CHML: variants seen among roughly 807,000 people sequenced by gnomAD.
CHML encodes the protein CHM like Rab escort protein.
CHML carries 20 observed loss-of-function variants against 30.4 expected under a neutral mutation model. That is an observed-to-expected ratio of 0.66 (90% CI 0.46 to 0.95). The LOEUF is 0.95. Among genes scored for constraint, CHML ranks in the 40% least tolerant of loss-of-function variants. The pLI, the probability that CHML is intolerant of heterozygous loss-of-function variation, is 0.00. For synonymous variants in CHML, 281 were observed against 275.0 expected, an observed-to-expected ratio of 1.02 and a Z score of -0.22; for missense variants, 795 against 768.5, an observed-to-expected ratio of 1.03 and a Z score of -0.41.
Position 241,634,212 on chromosome 1 carries a change from T to G in CHML, c.1555A>C (p.Arg519=). 1 of 1,614,020 alleles carries G rather than the reference T, an allele frequency of 6.2e-7. No individual in the cohort carries two copies. Among genetic ancestry groups the G allele is most frequent in the Non-Finnish European group, 8.5e-7 (1 of 1,179,904 alleles). The change falls in exon 2 of 2, where the codon AGA becomes CGA. Residue 519 remains arginine, a synonymous_variant. Coordinates refer to ENST00000366553, the MANE Select transcript of CHML (RefSeq NM_001381853.1). ...TTCACCACTGATTCTAAGTCTTCTC[T>G]TGCTGTTTTAGAAGATGAACATGTC... ...HLTCSSSKTA[R]EDLESVVKKL... is the part of the protein sequence containing the mutation.
chr1:241,635,953 A>G lies in CHML; in HGVS notation c.-187T>C. The G allele has an allele frequency of 1.7e-6, 1 of 586,352 alleles. No individual in the cohort carries two copies. The highest frequency in any genetic ancestry group is 3.0e-6 in the Non-Finnish European group (1 of 329,854). The allele number at this position is 586,352 out of a possible 1,614,324, so 36.3% of individuals were successfully genotyped here. ...TATAAGTCAGTAGCATAAAAACATG[A>G]GCAAGTACATCTAATCACATCTGAG... On this transcript the variant is annotated 5_prime_UTR_variant, in exon 2 of 2. Transcript: ENST00000366553.
chr1:241,633,680 A>T lies in CHML; in HGVS notation c.*116T>A, dbSNP rs1664739291. ...TCTGAGAGTTAAAGACAACATCTGCATAGCATTCATCATATATAACCACTT... is the reference window on the plus strand; with the variant it reads ...TCTGAGAGTTAAAGACAACATCTGCTTAGCATTCATCATATATAACCACTT... On this transcript the variant is annotated 3_prime_UTR_variant, in exon 2 of 2. Coordinates refer to ENST00000366553, the MANE Select transcript of CHML (RefSeq NM_001381853.1). 4 of 1,028,196 alleles carry T rather than the reference A, an allele frequency of 3.9e-6. No individual in the cohort carries two copies. Among genetic ancestry groups the T allele is most frequent in the Non-Finnish European group, 5.8e-6 (4 of 693,944 alleles). The allele number at this position is 1,028,196 out of a possible 1,614,324, so 63.7% of individuals were successfully genotyped here. A position where few individuals can be genotyped will look rare whatever the true frequency, so the allele number is the denominator to read the frequency against.
rs1415626450 is a variant in CHML at position 241,631,781 on chromosome 1, A to C, written c.*2015T>G. 6.6e-6 allele frequency: 1 copy of C among 152,046 alleles called. No homozygotes were observed. The highest frequency in any genetic ancestry group is 2.4e-5 in the African/African-American group (1 of 41,412). The allele number at this position is 152,046 out of a possible 1,614,324, so 9.4% of individuals were successfully genotyped here. On this transcript the variant is annotated 3_prime_UTR_variant, in exon 2 of 2. Transcript: ENST00000366553. ...TTCATCTTATCTTCACATTTCTCTG[A>C]TTCAATAAGCTGCAGGACCAGTGTG...
chr1:241,639,746 G>A, intron 1 of CHML, 136 bp downstream of exon 1: 1 of 871,122 alleles, frequency 1.1e-6, no homozygotes, highest in Non-Finnish European at 1.6e-6. Context: ...GGGGAGCGGG[G>A]CGGTGTAGGG....
rs1558447792 is a variant in CHML, at chr1:241,634,809, ACTGC to A, written c.954_957del (p.Arg318SerfsTer8). On this transcript the variant is annotated frameshift_variant, in exon 2 of 2. Coordinates refer to ENST00000366553, the MANE Select transcript of CHML (RefSeq NM_001381853.1). LOFTEE classifies it high-confidence loss of function. The stretch of plus-strand genomic sequence containing the variant: ...GTTTTTAAGTATTCTGAAAATGAAC[ACTGC>A]CTGAAAGCTTGGTATTCATCAGGAT... 1 of 1,613,762 alleles carries A rather than the reference ACTGC, an allele frequency of 6.2e-7. No homozygotes were observed. Among genetic ancestry groups the A allele is most frequent in the East Asian group, 2.2e-5 (1 of 44,874 alleles).
At position 241,631,737 on chromosome 1, in the gene CHML, C is replaced by T. The variant is rs1288750755; in HGVS notation, c.*2059G>A. On this transcript the variant is annotated 3_prime_UTR_variant, in exon 2 of 2. Transcript: ENST00000366553. Reference sequence around the variant, plus strand: ...CAAATTCTGCTTCGAGATCCATGCTCTAAAATATGTTTGTTTAGTTCATCT... The same window carrying T: ...CAAATTCTGCTTCGAGATCCATGCTTTAAAATATGTTTGTTTAGTTCATCT... 6.6e-6 allele frequency: 1 copy of T among 152,224 alleles called. No homozygotes were observed. Among genetic ancestry groups the T allele is most frequent in the Non-Finnish European group, 1.5e-5 (1 of 67,992 alleles). The allele number at this position is 152,224 out of a possible 1,614,324, so 9.4% of individuals were successfully genotyped here. A position where few individuals can be genotyped will look rare whatever the true frequency, so the allele number is the denominator to read the frequency against.
chr1:241,640,024 G>C lies in CHML; in HGVS notation c.-450C>G, dbSNP rs1183115831. 6.2e-7 allele frequency: 1 copy of C among 1,613,368 alleles called. No homozygotes were observed. Among genetic ancestry groups the C allele is most frequent in the Non-Finnish European group, 8.5e-7 (1 of 1,179,750 alleles). ...TGAGGCTGATGTTGACCAGGAGGAGGTGAGTGGGAGTGCGGAGCCGCTGGA... is the reference window on the plus strand; with the variant it reads ...TGAGGCTGATGTTGACCAGGAGGAGCTGAGTGGGAGTGCGGAGCCGCTGGA... On this transcript the variant is annotated 5_prime_UTR_variant, in exon 1 of 2. Transcript: ENST00000366553.
At position 241,635,410 on chromosome 1, in the gene CHML, C is replaced by G. The variant is rs763238361; in HGVS notation, c.357G>C (p.Leu119=). 3.1e-6 allele frequency: 5 copies of G among 1,613,978 alleles called. No homozygotes were observed. In the South Asian group the frequency reaches 5.5e-5, roughly 18 times the overall value. ...ACACCCCCAAAGAAGGATTTTTCTG[C>G]AGAGCACCAATCTCTTCAACGTTGT... ...MEDNVEEIGA[L]QKNPSLGVSN... is the part of the protein sequence containing the mutation. Residue 119 remains leucine, a synonymous_variant, in exon 2 of 2, where the codon CTG becomes CTC. Coordinates refer to ENST00000366553, the MANE Select transcript of CHML (RefSeq NM_001381853.1).
Position 241,640,271 on chromosome 1 carries a change from G to A in CHML, c.-697C>T, listed in dbSNP as rs1375353604. 1 of 1,181,738 alleles carries A rather than the reference G, an allele frequency of 8.5e-7. No individual in the cohort carries two copies. Among genetic ancestry groups the A allele is most frequent in the Non-Finnish European group, 1.0e-6 (1 of 957,948 alleles). 73.2% of individuals were successfully genotyped at this position (1,181,738 alleles called of 1,614,324 possible). On this transcript the variant is annotated 5_prime_UTR_variant, in exon 1 of 2. Coordinates refer to ENST00000366553, the MANE Select transcript of CHML (RefSeq NM_001381853.1). ...CGAGTACATGGCCCGGCGCCGGCGC[G>A]CCTGGCGGGCGGAGGCGCTCAGCTT...
Position 241,633,673 on chromosome 1 carries a change from C to T in CHML, c.*123G>A, listed in dbSNP as rs1355793360. On this transcript the variant is annotated 3_prime_UTR_variant, in exon 2 of 2. Coordinates refer to ENST00000366553, the MANE Select transcript of CHML (RefSeq NM_001381853.1). ...CTGAATGTCTGAGAGTTAAAGACAA[C>T]ATCTGCATAGCATTCATCATATATA... is the stretch of plus-strand genomic sequence containing the variant. 5 of 963,382 alleles carry T rather than the reference C, an allele frequency of 5.2e-6. No individual in the cohort carries two copies. In the Admixed American group the frequency reaches 7.0e-5, roughly 13 times the overall value. The allele number at this position is 963,382 out of a possible 1,614,324, so 59.7% of individuals were successfully genotyped here.
rs1558447680 is a variant in CHML at position 241,634,671 on chromosome 1, A to G, written c.1096T>C (p.Cys366Arg). 1 of 1,614,042 alleles carries G rather than the reference A, an allele frequency of 6.2e-7. No individual in the cohort carries two copies. The stretch of plus-strand genomic sequence containing the variant: ...GGGGTGTTGCCAAACCGTCCGAGAC[A>G]CTGAAGGAAGTTTTTAGTTGCGTTA... Reference protein sequence around the residue: ...GLNATKNFLQCLGRFGNTPFL... With the variant: ...GLNATKNFLQRLGRFGNTPFL... Residue 366 changes from cysteine (C) to arginine (R), a missense_variant, in exon 2 of 2, where the codon TGT becomes CGT. By Grantham distance (180) the Cys-to-Arg change is radical. Coordinates refer to ENST00000366553, the MANE Select transcript of CHML (RefSeq NM_001381853.1).
chr1:241,632,592 G>A lies in CHML; in HGVS notation c.*1204C>T, dbSNP rs1004991413. Reference sequence around the variant, plus strand: ...AGTACTACCAGTTTTATGACGTTGGGTGGCTCTGGGAGAAAAAAAGTTTCT... The same window carrying A: ...AGTACTACCAGTTTTATGACGTTGGATGGCTCTGGGAGAAAAAAAGTTTCT... On this transcript the variant is annotated 3_prime_UTR_variant, in exon 2 of 2. Transcript: ENST00000366553. 4 of 152,040 alleles carry A rather than the reference G, an allele frequency of 2.6e-5. No individual in the cohort carries two copies. Among genetic ancestry groups the A allele is most frequent in the African/African-American group, 9.7e-5 (4 of 41,406 alleles). 9.4% of individuals were successfully genotyped at this position (152,040 alleles called of 1,614,324 possible).
Position 241,634,539 on chromosome 1 carries a change from C to G in CHML, c.1228G>C (p.Val410Leu), listed in dbSNP as rs79951803. ...CATCGTCCAGATTCTTTGTCGACTA[C>G]AAAGCATTGTACTTTATGACGAAGA... ...YCLRHKVQCF[V>L]VDKESGRCKA... Residue 410 changes from valine (V) to leucine (L), a missense_variant, in exon 2 of 2, where the codon GTA becomes CTA. Coordinates refer to ENST00000366553, the MANE Select transcript of CHML (RefSeq NM_001381853.1). 6.2e-7 allele frequency: 1 copy of G among 1,613,890 alleles called. No homozygotes were observed. Among genetic ancestry groups the G allele is most frequent in the East Asian group, 2.2e-5 (1 of 44,880 alleles).
chr1:241,638,459 T>C (rs530318326), intron 1 of CHML, among the ~76,000 whole-genome samples: 22 of 152,350 alleles, frequency 1.4e-4, no homozygotes, highest in Non-Finnish European at 3.2e-4. Context: ...AGAACTTTGA[T>C]GTCTGTGAAC....
Position 241,634,190 on chromosome 1 carries a change from A to T in CHML, c.1577T>A (p.Val526Glu), listed in dbSNP as rs1418696122. The T allele has an allele frequency of 1.2e-6, 2 of 1,613,834 alleles. No homozygotes were observed. Among genetic ancestry groups the T allele is most frequent in the Non-Finnish European group, 1.7e-6 (2 of 1,179,896 alleles). The change falls in exon 2 of 2, where the codon GTG (valine) becomes GAG (glutamate). Residue 526 changes from valine (V) to glutamate (E), a missense_variant. Coordinates refer to ENST00000366553, the MANE Select transcript of CHML (RefSeq NM_001381853.1). ...AGTATACGGAGTGAATAATTTCTTC[A>T]CCACTGATTCTAAGTCTTCTCTTGC... is the stretch of plus-strand genomic sequence containing the variant. Reference protein sequence around the residue: ...KTAREDLESVVKKLFTPYTET... With the variant: ...KTAREDLESVEKKLFTPYTET...
rs1664690747 is a variant in CHML, at chr1:241,632,661, T to C, written c.*1135A>G. 1 of 152,054 alleles carries C rather than the reference T, an allele frequency of 6.6e-6. No homozygotes were observed. The highest frequency in any genetic ancestry group is 6.6e-5 in the Admixed American group (1 of 15,264). 9.4% of individuals were successfully genotyped at this position (152,054 alleles called of 1,614,324 possible). On this transcript the variant is annotated 3_prime_UTR_variant, in exon 2 of 2. Coordinates refer to ENST00000366553, the MANE Select transcript of CHML (RefSeq NM_001381853.1). ...AAGAGGCAAGAGAGATTACAGAAAA[T>C]TGTTACTTCACAATTTGTTAAGTGG...
At position 241,633,407 on chromosome 1, in the gene CHML, A is replaced by G. The variant is rs1255335041; in HGVS notation, c.*389T>C. 2.3e-5 allele frequency: 4 copies of G among 177,630 alleles called. No homozygotes were observed. Among genetic ancestry groups the G allele is most frequent in the Middle Eastern group, 2.8e-3 (1 of 358 alleles). The allele number at this position is 177,630 out of a possible 1,614,324, so 11.0% of individuals were successfully genotyped here. ...GGCCGCAGCAACTGTAACAGCTGCAAAAGTAATTAAAATATTACTTGGGTA... is the reference window on the plus strand; with the variant it reads ...GGCCGCAGCAACTGTAACAGCTGCAGAAGTAATTAAAATATTACTTGGGTA... On this transcript the variant is annotated 3_prime_UTR_variant, in exon 2 of 2. Transcript: ENST00000366553.
At chr1:241,636,968 AT>A (rs1353087050) in intron 1 of CHML, among the ~76,000 whole-genome samples, 4 of 150,282 alleles carry the variant, frequency 2.7e-5, no homozygotes, top group Middle Eastern at 3.4e-3. Flanking sequence ...AAAAAAAAAA[AT>A]AATAAGGTTC....
Position 241,634,948 on chromosome 1 carries a change from T to C in CHML, c.819A>G (p.Val273=). 5.0e-6 allele frequency: 8 copies of C among 1,613,494 alleles called. No individual in the cohort carries two copies. The highest frequency in any genetic ancestry group is 6.8e-6 in the Non-Finnish European group (8 of 1,179,726). The change falls in exon 2 of 2, where the codon GTA becomes GTG. Residue 273 remains valine, a synonymous_variant. Coordinates refer to ENST00000366553, the MANE Select transcript of CHML (RefSeq NM_001381853.1). ...CTGCTCTGGAACAAGGAACTTGTTC[T>C]ACCTTTCCTTCCCGAAATGCAAGAA... ...TRILAFREGK[V]EQVPCSRADV...
Sources: allele counts gnomAD v4.1 joint callset (sites outside exome capture counted in the v4.1 genomes callset), GRCh38; gene constraint gnomAD v4.1.1; transcripts MANE v1.5; gene names NCBI Gene and HGNC (gene_info 2026-07-23, HGNC 2026-07-21).